Variants in ZBTB20 observed in about 807,000 individuals in gnomAD.
ZBTB20 encodes zinc finger and BTB domain containing 20, also known as zinc finger and BTB domain-containing protein 20.
ZBTB20 carries 9 observed loss-of-function variants against 56.9 expected under a neutral mutation model. The ratio of observed to expected loss-of-function variants is 0.16; its 90% CI spans 0.10 to 0.28. The LOEUF (loss-of-function observed/expected upper bound fraction) is 0.28. Ranked by LOEUF, ZBTB20 falls within the 10% of genes least tolerant of loss-of-function variation. The pLI, the probability that ZBTB20 is intolerant of heterozygous loss-of-function variation, is 1.00. For synonymous variants in ZBTB20, 417 were observed against 420.7 expected (o/e 0.99, Z 0.11); for missense variants, 655 against 1,003.0 (o/e 0.65, Z 4.69).
At chr3:114,665,649 T>C (rs1433234173) in intron 6 of ZBTB20, among the ~76,000 whole-genome samples, 1 of 152,062 alleles carries the variant, frequency 6.6e-6, no homozygotes, top group Non-Finnish European at 1.5e-5. Context: ...CATGTTCCTA[T>C]AACATAACAA....
rs1038432757 is a variant in ZBTB20 at position 114,728,251 on chromosome 3, C to T, written c.-342-34676G>A. On this transcript the variant is annotated intron_variant, in intron 5 of 11. Coordinates refer to ENST00000675478, the MANE Select transcript of ZBTB20 (RefSeq NM_001348800.3). ...AGAAATGCATTTGTATGGTGTTTTA[C>T]AGTTTATAAATTATTCTCACAAACG... Among the ~76,000 whole-genome samples, 5 of 152,120 alleles carry T rather than the reference C, an allele frequency of 3.3e-5. No individual in the cohort carries two copies. In the East Asian group the frequency reaches 9.6e-4, roughly 29 times the overall value.
In ZBTB20 at chr3:114,755,229, G is replaced by A. The variant is rs531227217; in HGVS notation, c.-343+45872C>T. Among the ~76,000 whole-genome samples, 280 of 152,190 alleles carry A rather than the reference G, an allele frequency of 1.8e-3. 1 individual carries two copies. The highest frequency in any genetic ancestry group is 6.3e-3 in the African/African-American group (262 of 41,524). ...TCTATACAGTTCACCTTTTCAATAC[G>A]AAGAGAAGAGACTAGCCTATTAAAT... On this transcript the variant is annotated intron_variant, in intron 5 of 11. Coordinates refer to ENST00000675478, the MANE Select transcript of ZBTB20 (RefSeq NM_001348800.3).
intron 6 of ZBTB20, among the ~76,000 whole-genome samples, chr3:114,542,555 G>A (rs2049243162): frequency 6.6e-6 from 1 of 152,156 alleles, no homozygotes; most frequent in Non-Finnish European, 1.5e-5. Flanking sequence ...GAGGGGCTGG[G>A]GAAGGGAGAA....
At chr3:114,707,014 C>T (rs1225009364) in intron 5 of ZBTB20, among the ~76,000 whole-genome samples, 2 of 152,050 alleles carry the variant, frequency 1.3e-5, no homozygotes, top group African/African-American at 4.8e-5. Context: ...AGAGGAAACC[C>T]ACCCACATTC....
At chr3:114,967,136 T>C (rs188200111) in intron 3 of ZBTB20, among the ~76,000 whole-genome samples, 165 of 152,300 alleles carry the variant, frequency 1.1e-3, no homozygotes, top group Middle Eastern at 3.4e-3. Flanking sequence ...TAAGTATTCA[T>C]CTCTCCATAG....
rs145442693 is a variant in ZBTB20 at position 114,816,239 on chromosome 3, G to T, written c.-416-15065C>A. Reference sequence around the variant, plus strand: ...ATACATCAATATGTTTCATTAAAACGATTGTTTTGATATAGTAATAAGCTG... The same window carrying T: ...ATACATCAATATGTTTCATTAAAACTATTGTTTTGATATAGTAATAAGCTG... On this transcript the variant is annotated intron_variant, in intron 4 of 11. Transcript: ENST00000675478. Among the ~76,000 whole-genome samples the T allele has an allele frequency of 1.3e-3, 202 of 152,206 alleles. 2 individuals carry two copies. The highest frequency in any genetic ancestry group is 4.6e-3 in the African/African-American group (193 of 41,550).
At chr3:114,713,758 T>C (rs570277589) in intron 5 of ZBTB20, among the ~76,000 whole-genome samples, 18 of 152,318 alleles carry the variant, frequency 1.2e-4, no homozygotes, top group African/African-American at 3.8e-4. Flanking sequence ...ATTTCTTTTA[T>C]GTCTTTTAAA....
intron 2 of ZBTB20, among the ~76,000 whole-genome samples, chr3:115,012,154 G>T (rs2079744921): frequency 6.6e-6 from 1 of 151,652 alleles, no homozygotes; most frequent in African/African-American, 2.4e-5. Context: ...AAAGAAGGAA[G>T]AGAAGACCAC....
intron 10 of ZBTB20, chr3:114,357,143 A>G (rs2108278540): frequency 6.6e-6 from 1 of 152,354 alleles, no homozygotes; most frequent in African/African-American, 2.4e-5. Context: ...CCATCTCCCA[A>G]TAAAGGTTCT....
At chr3:114,463,586 G>T (rs7647708) in intron 7 of ZBTB20, among the ~76,000 whole-genome samples, 6 of 152,128 alleles carry the variant, frequency 3.9e-5, no homozygotes, top group African/African-American at 1.4e-4. Flanking sequence ...CATAGCATCC[G>T]AAGCTGGTAT....
intron 2 of ZBTB20, among the ~76,000 whole-genome samples, chr3:115,031,832 GA>G (rs1207458751): frequency 2.6e-5 from 4 of 151,324 alleles, no homozygotes; most frequent in East Asian, 1.9e-4. Flanking sequence ...TGATTTGGTG[GA>G]AAAAAATGTG....
chr3:115,002,734 G>A (rs192322689), intron 2 of ZBTB20, among the ~76,000 whole-genome samples: 1 of 151,654 alleles, frequency 6.6e-6, no homozygotes, highest in African/African-American at 2.4e-5. Context: ...ACTCATTGCT[G>A]GTGGGAATGC....
chr3:114,442,766 A>G (rs1157220178), intron 7 of ZBTB20, among the ~76,000 whole-genome samples: 1 of 152,138 alleles, frequency 6.6e-6, no homozygotes, highest in Non-Finnish European at 1.5e-5. Flanking sequence ...AAGGACTGGC[A>G]AGATCCATAC....
At chr3:114,410,501 T>G (rs1037833428) in intron 7 of ZBTB20, among the ~76,000 whole-genome samples, 1 of 152,188 alleles carries the variant, frequency 6.6e-6, no homozygotes, top group Non-Finnish European at 1.5e-5. Context: ...GAGACACAGA[T>G]GGTCTGCATT....
intron 4 of ZBTB20, among the ~76,000 whole-genome samples, chr3:114,879,442 A>G (rs2076315267): frequency 6.6e-6 from 1 of 152,182 alleles, no homozygotes; most frequent in Non-Finnish European, 1.5e-5. Context: ...AGTAGTGACT[A>G]AAATCTAGTC....
intron 7 of ZBTB20, among the ~76,000 whole-genome samples, chr3:114,442,060 G>A (rs867907461): frequency 3.3e-5 from 5 of 152,136 alleles, no homozygotes; most frequent in Non-Finnish European, 7.4e-5. Flanking sequence ...GATGGAGCTC[G>A]CTGAAGACTA....
At chr3:114,525,068 T>C (rs1041199008) in intron 6 of ZBTB20, among the ~76,000 whole-genome samples, 1 of 152,162 alleles carries the variant, frequency 6.6e-6, no homozygotes, top group Non-Finnish European at 1.5e-5. Context: ...TACTCTAGCC[T>C]GTCACTCTCT....
chr3:115,052,733 G>C (rs899345241), intron 2 of ZBTB20, among the ~76,000 whole-genome samples: 1 of 152,012 alleles, frequency 6.6e-6, no homozygotes, highest in East Asian at 1.9e-4. Context: ...TTGTTATAAT[G>C]TTTGAGGTAT....
intron 7 of ZBTB20, among the ~76,000 whole-genome samples, chr3:114,409,691 A>G (rs889082941): frequency 1.4e-4 from 21 of 152,296 alleles, no homozygotes; most frequent in African/African-American, 5.1e-4. Flanking sequence ...AAAAAAAATC[A>G]AAGCTATGTT....
Sources: allele counts gnomAD v4.1 joint callset (sites outside exome capture counted in the v4.1 genomes callset), GRCh38; gene constraint gnomAD v4.1.1; transcripts MANE v1.5; gene names NCBI Gene and HGNC (gene_info 2026-07-23, HGNC 2026-07-21).